The following ADGRL3 variants were observed in gnomAD, a reference collection of about 807,000 sequenced individuals.
The protein encoded by ADGRL3 is calcium-independent alpha-latrotoxin receptor 3.
Under a neutral mutation model 153.5 loss-of-function variants are expected in ADGRL3, and 62 were observed. The ratio of observed to expected loss-of-function variants is 0.40; its 90% CI spans 0.33 to 0.50. The LOEUF (loss-of-function observed/expected upper bound fraction) is 0.50, where lower values mean the gene tolerates loss of function less well. Ranked by LOEUF, ADGRL3 falls within the 20% of genes least tolerant of loss-of-function variation. The pLI is 0.47. For synonymous variants in ADGRL3, 710 were observed against 672.5 expected, an observed-to-expected ratio of 1.06 and a Z score of -0.86; for missense variants, 1,641 against 1,859.4, an observed-to-expected ratio of 0.88 and a Z score of 2.16.
rs1269679281 is a variant in ADGRL3, at chr4:61,201,493, GCT to G, written c.-507_-506del. The G allele has an allele frequency of 6.6e-6, 1 of 152,252 alleles. No homozygotes were observed. Among genetic ancestry groups the G allele is most frequent in the Non-Finnish European group, 1.5e-5 (1 of 68,084 alleles). The allele number at this position is 152,252 out of a possible 1,614,324, so 9.4% of individuals were successfully genotyped here. A position where few individuals can be genotyped will look rare whatever the true frequency, so the allele number is the denominator to read the frequency against. ...GAACGTAAAGGAAGGCGAACATTTG[GCT>G]CTCTTTTTCCTTCCCCTTTCTCCGT... On this transcript the variant is annotated 5_prime_UTR_variant, in exon 1 of 27. Transcript: ENST00000683033.
intron 2 of ADGRL3, among the ~76,000 whole-genome samples, chr4:61,384,574 A>G (rs1481188527): frequency 6.6e-6 from 1 of 151,938 alleles, no homozygotes; most frequent in East Asian, 1.9e-4. Flanking sequence ...ATTCATTTCT[A>G]TAATTACTAC....
chr4:61,549,914 C>T (rs1403342259), intron 4 of ADGRL3, among the ~76,000 whole-genome samples: 1 of 151,810 alleles, frequency 6.6e-6, no homozygotes, highest in East Asian at 1.9e-4. Context: ...GCAATGAATT[C>T]TTATATTTAA....
At position 61,804,921 on chromosome 4, in the gene ADGRL3, C is replaced by CTTTATTTA. The variant is rs377521778; in HGVS notation, c.1400-8864_1400-8857dup. On this transcript the variant is annotated intron_variant, in intron 8 of 26. Coordinates refer to ENST00000683033, the MANE Select transcript of ADGRL3 (RefSeq NM_001387552.1). The stretch of plus-strand genomic sequence containing the variant: ...CACCTATGAACTTTGTTTCCTGTGC[C>CTTTATTTA]TTTATTTATTTATTTATTTATTTAT... Among the ~76,000 whole-genome samples, 1,137 of 147,718 alleles carry CTTTATTTA rather than the reference C, an allele frequency of 7.7e-3. 11 individuals are homozygous for CTTTATTTA. The highest frequency in any genetic ancestry group is 0.024 in the African/African-American group (952 of 39,676).
intron 11 of ADGRL3, 69 bp downstream of exon 11, chr4:61,895,903 G>A: frequency 1.3e-6 from 1 of 797,778 alleles, no homozygotes; most frequent in Non-Finnish European, 1.9e-6. Flanking sequence ...ATAGCTGTTG[G>A]AAAAAAAACA....
intron 5 of ADGRL3, among the ~76,000 whole-genome samples, chr4:61,605,089 C>CAAAAAAAAAAAAAAAAAAA (rs71211396): frequency 1.6e-5 from 1 of 61,422 alleles, no homozygotes; most frequent in Admixed American, 2.4e-4. Context: ...GACTCTGTCT[C>CAAAAAAAAAAAAAAAAAAA]AAAAAAAAAA....
At chr4:61,703,949 C>A (rs2095812485) in intron 6 of ADGRL3, among the ~76,000 whole-genome samples, 4 of 151,960 alleles carry the variant, frequency 2.6e-5, no homozygotes, top group Admixed American at 2.0e-4. Flanking sequence ...GTTGGCATTG[C>A]AGGCATAGAA....
intron 4 of ADGRL3, among the ~76,000 whole-genome samples, chr4:61,527,107 A>G (rs772469654): frequency 1.1e-4 from 16 of 152,062 alleles, no homozygotes; most frequent in Non-Finnish European, 1.9e-4. Context: ...AAGTAAATAC[A>G]TTAGTACTTT....
intron 8 of ADGRL3, among the ~76,000 whole-genome samples, chr4:61,767,225 C>T (rs981999580): frequency 4.0e-5 from 6 of 151,810 alleles, no homozygotes; most frequent in African/African-American, 1.2e-4. Context: ...TAGCTGTAGT[C>T]CAGGAATAGT....
At chr4:61,331,551 C>T (rs908741785) in intron 1 of ADGRL3, among the ~76,000 whole-genome samples, 2 of 152,016 alleles carry the variant, frequency 1.3e-5, no homozygotes, top group African/African-American at 4.8e-5. Flanking sequence ...AAAAGGTTTT[C>T]CTTAATACTT....
intron 2 of ADGRL3, among the ~76,000 whole-genome samples, chr4:61,431,196 T>A (rs988379130): frequency 2.6e-5 from 4 of 152,208 alleles, no homozygotes; most frequent in Non-Finnish European, 5.9e-5. Flanking sequence ...ATGGAAACAA[T>A]CTATCCTTGT....
intron 1 of ADGRL3, among the ~76,000 whole-genome samples, chr4:61,238,243 A>G (rs1049420286): frequency 2.0e-5 from 3 of 152,136 alleles, no homozygotes; most frequent in South Asian, 2.1e-4. Flanking sequence ...CTTCTTTATG[A>G]GAGAGGTTTA....
intron 1 of ADGRL3, among the ~76,000 whole-genome samples, chr4:61,225,297 C>T (rs190635729): frequency 7.7e-4 from 117 of 152,274 alleles, no homozygotes; most frequent in Admixed American, 2.2e-3. Flanking sequence ...TGTGGGCTCA[C>T]TGGTTCCTAG....
intron 5 of ADGRL3, among the ~76,000 whole-genome samples, chr4:61,653,203 C>T (rs983612002): frequency 2.0e-5 from 3 of 148,376 alleles, no homozygotes; most frequent in Admixed American, 1.4e-4. Context: ...CACACACACA[C>T]ACACAGAGCC....
intron 11 of ADGRL3, among the ~76,000 whole-genome samples, chr4:61,908,441 A>C (rs2098706490): frequency 6.6e-6 from 1 of 152,062 alleles, no homozygotes; most frequent in Admixed American, 6.6e-5. Context: ...TACTAAAAAT[A>C]CAAAAATTAG....
chr4:61,600,085 A>C (rs1282159923), intron 5 of ADGRL3, among the ~76,000 whole-genome samples: 1 of 152,132 alleles, frequency 6.6e-6, no homozygotes, highest in Non-Finnish European at 1.5e-5. Flanking sequence ...CAAGGTGGGC[A>C]GATCATGAGG....
At chr4:61,820,038 G>A (rs1025281632) in intron 9 of ADGRL3, among the ~76,000 whole-genome samples, 1 of 151,718 alleles carries the variant, frequency 6.6e-6, no homozygotes, top group Non-Finnish European at 1.5e-5. Context: ...ATATTTTTAG[G>A]GAAAAAGTAT....
chr4:61,776,338 G>A (rs2097151178), intron 8 of ADGRL3, among the ~76,000 whole-genome samples: 1 of 152,198 alleles, frequency 6.6e-6, no homozygotes, highest in Non-Finnish European at 1.5e-5. Flanking sequence ...TGTGAATGAA[G>A]TAGGGGTTTT....
intron 9 of ADGRL3, among the ~76,000 whole-genome samples, chr4:61,835,763 T>C (rs1240680139): frequency 7.5e-6 from 1 of 133,092 alleles, no homozygotes; most frequent in Non-Finnish European, 1.5e-5. Flanking sequence ...GTTACATAAA[T>C]AGCAAACCAG....
intron 8 of ADGRL3, among the ~76,000 whole-genome samples, chr4:61,788,168 A>G (rs1471101686): frequency 6.6e-6 from 1 of 152,206 alleles, no homozygotes; most frequent in Non-Finnish European, 1.5e-5. Context: ...ACCGCCTGTA[A>G]CATCCTGGCT....
Sources: gnomAD v4.1 joint callset for allele counts (sites outside exome capture counted in the v4.1 genomes callset) on GRCh38, gnomAD v4.1.1 for gene constraint, MANE v1.5 for transcripts, NCBI Gene and HGNC (gene_info 2026-07-23, HGNC 2026-07-21) for gene names.